SND1: variants seen among roughly 807,000 people sequenced by gnomAD.
The protein encoded by SND1 is staphylococcal nuclease domain-containing protein 1.
In SND1, 38 loss-of-function variants were observed where a neutral mutation model predicts 121.7. The ratio of observed to expected loss-of-function variants is 0.31; its 90% CI spans 0.24 to 0.41. The LOEUF is 0.41. SND1 is among the 10% of genes least tolerant of loss of function. The probability of loss-of-function intolerance (pLI) is 1.00; values close to 1 mark genes in which losing one functional copy is unlikely to be tolerated. For synonymous variants in SND1, 401 were observed against 447.4 expected, an observed-to-expected ratio of 0.90 and a Z score of 1.31; for missense variants, 868 against 1,184.6, an observed-to-expected ratio of 0.73 and a Z score of 3.92.
chr7:127,748,861 A>G (rs968587938), intron 10 of SND1, among the ~76,000 whole-genome samples: 1 of 152,050 alleles, frequency 6.6e-6, no homozygotes, highest in Non-Finnish European at 1.5e-5. Flanking sequence ...GTTTTTTTGG[A>G]CTAGTAGCCT....
At chr7:128,032,023 C>T (rs1269518247) in intron 16 of SND1, 1 of 151,744 alleles carries the variant, frequency 6.6e-6, no homozygotes, top group African/African-American at 2.4e-5. Context: ...ACCGTCTCCT[C>T]CTCGCGCCGG....
chr7:128,057,073 G>A (rs1368110628), intron 16 of SND1, among the ~76,000 whole-genome samples: 2 of 152,166 alleles, frequency 1.3e-5, no homozygotes, highest in Non-Finnish European at 2.9e-5. Context: ...GTTTCATCAC[G>A]CTACTCAGAA....
intron 1 of SND1, among the ~76,000 whole-genome samples, chr7:127,674,965 C>A (rs2116274455): frequency 6.6e-6 from 1 of 152,340 alleles, no homozygotes; most frequent in South Asian, 2.1e-4. Context: ...CTTTGGGAGG[C>A]CAAGGCAGGC....
chr7:128,013,327 G>A (rs1450769110), intron 16 of SND1, among the ~76,000 whole-genome samples: 7 of 152,204 alleles, frequency 4.6e-5, no homozygotes, highest in African/African-American at 1.4e-4. Flanking sequence ...TGAGGGCAAG[G>A]ACCAAGTCTT....
intron 11 of SND1, among the ~76,000 whole-genome samples, chr7:127,842,581 GGCTTAATTAGC>G (rs1798984576): frequency 2.6e-5 from 4 of 152,050 alleles, no homozygotes; most frequent in African/African-American, 9.7e-5. Context: ...GTTGGTGTTG[GGCTTAATTAGC>G]TGTATCTTTT....
At chr7:127,928,618 G>A (rs1029006188) in intron 14 of SND1, among the ~76,000 whole-genome samples, 17 of 148,882 alleles carry the variant, frequency 1.1e-4, no homozygotes, top group East Asian at 3.9e-4. Context: ...AAAGAGTTTC[G>A]CTCTTGTTGC....
chr7:127,931,264 C>G (rs1273923781), intron 15 of SND1, among the ~76,000 whole-genome samples: 1 of 152,120 alleles, frequency 6.6e-6, no homozygotes, highest in Non-Finnish European at 1.5e-5. Flanking sequence ...AGCCTTATTG[C>G]TTATATGGAA....
intron 10 of SND1, among the ~76,000 whole-genome samples, chr7:127,783,058 G>T (rs6951924): frequency 0.017 from 2,604 of 152,272 alleles, 94 homozygotes; most frequent in African/African-American, 0.059. Context: ...ATTGGAAATT[G>T]GGGACAGATA....
At chr7:127,810,038 A>G (rs1798305165) in intron 11 of SND1, among the ~76,000 whole-genome samples, 1 of 152,212 alleles carries the variant, frequency 6.6e-6, no homozygotes, top group Non-Finnish European at 1.5e-5. Flanking sequence ...CCAGTAAAGT[A>G]TATGGTTTGA....
intron 10 of SND1, among the ~76,000 whole-genome samples, chr7:127,757,996 A>G (rs575071938): frequency 3.3e-5 from 5 of 152,226 alleles, no homozygotes; most frequent in Non-Finnish European, 7.3e-5. Context: ...AAGTATCAAT[A>G]TAACTGTAAG....
Position 127,686,598 on chromosome 7 carries a change from C to T in SND1, c.79-15C>T, listed in dbSNP as rs568406631. ...CCTCTGGACCATTCATTTTCTCTTT[C>T]TTCCCCCTACGTAGGTCCTCTCAGG... On this transcript the variant is annotated splice_polypyrimidine_tract_variant and intron_variant, in intron 1 of 23. Transcript: ENST00000354725. The T allele has an allele frequency of 6.2e-7, 1 of 1,610,554 alleles. No individual in the cohort carries two copies. Among genetic ancestry groups the T allele is most frequent in the South Asian group, 1.1e-5 (1 of 90,890 alleles).
At chr7:127,944,877 A>G (rs1801291946) in intron 15 of SND1, among the ~76,000 whole-genome samples, 1 of 152,180 alleles carries the variant, frequency 6.6e-6, no homozygotes, top group Admixed American at 6.5e-5. Context: ...TTCTTATCAC[A>G]TATTCCCATG....
intron 16 of SND1, among the ~76,000 whole-genome samples, chr7:128,065,788 G>A (rs1004632048): frequency 6.6e-6 from 1 of 152,196 alleles, no homozygotes; most frequent in Admixed American, 6.5e-5. Context: ...CTTCTCTCCT[G>A]GTTTTTTGCC....
intron 2 of SND1, among the ~76,000 whole-genome samples, chr7:127,691,107 G>A (rs552358030): frequency 9.9e-5 from 15 of 152,162 alleles, no homozygotes; most frequent in Admixed American, 7.9e-4. Flanking sequence ...CTCCTGCTGC[G>A]GGTAAAGTTG....
chr7:128,074,365 TG>T, intron 16 of SND1, 136 bp from the exon 17 acceptor site: 2 of 788,392 alleles, frequency 2.5e-6, no homozygotes, highest in Non-Finnish European at 4.0e-6. Flanking sequence ...TGAAGGGTTC[TG>T]GGGGTTCCCA....
chr7:127,736,595 C>T (rs980228460), intron 10 of SND1, among the ~76,000 whole-genome samples: 2 of 152,170 alleles, frequency 1.3e-5, no homozygotes, highest in Non-Finnish European at 2.9e-5. Context: ...GTTGTGCTGT[C>T]GTACAATGTA....
chr7:127,736,601 A>G (rs929713698), intron 10 of SND1, among the ~76,000 whole-genome samples: 1 of 152,212 alleles, frequency 6.6e-6, no homozygotes, highest in South Asian at 2.1e-4. Flanking sequence ...CTGTCGTACA[A>G]TGTATGCGGT....
At chr7:127,705,304 T>G (rs1796168830) in intron 8 of SND1, among the ~76,000 whole-genome samples, 1 of 152,214 alleles carries the variant, frequency 6.6e-6, no homozygotes, top group Non-Finnish European at 1.5e-5. Context: ...TATTAGCTGC[T>G]CCCAAACAGA....
Position 127,670,642 on chromosome 7 carries a change from A to G in SND1, c.79-15971A>G, listed in dbSNP as rs369507040. On this transcript the variant is annotated intron_variant, in intron 1 of 23. Transcript: ENST00000354725. ...AGAGGTTTCTAGCTTGTCTGAATAT[A>G]AAACCTAATTAGATCACATTTATTT... Among the ~76,000 whole-genome samples the G allele has an allele frequency of 6.0e-4, 92 of 152,252 alleles. 4 individuals carry two copies. The South Asian group carries it at 0.018, about 30-fold the overall frequency.
Sources: allele counts gnomAD v4.1 joint callset (sites outside exome capture counted in the v4.1 genomes callset), GRCh38; gene constraint gnomAD v4.1.1; transcripts MANE v1.5; gene names NCBI Gene and HGNC (gene_info 2026-07-23, HGNC 2026-07-21).